GABRA2: variants seen among roughly 807,000 people sequenced by gnomAD.
The protein encoded by GABRA2 is gamma-aminobutyric acid receptor subunit alpha-2.
GABRA2 carries 16 observed loss-of-function variants against 48.7 expected under a neutral mutation model. The ratio of observed to expected loss-of-function variants is 0.33; its 90% CI spans 0.22 to 0.50. The LOEUF is 0.50. Among genes scored for constraint, GABRA2 ranks in the 20% least tolerant of loss-of-function variants. The pLI is 0.98. For missense variants in GABRA2, 275 were observed against 535.6 expected (o/e 0.51, Z 4.80); for synonymous variants, 185 against 184.5 (o/e 1.00, Z -0.02).
intron 3 of GABRA2, among the ~76,000 whole-genome samples, chr4:46,359,923 CAA>C (rs538528735): frequency 2.8e-5 from 4 of 144,310 alleles, no homozygotes; most frequent in African/African-American, 1.0e-4. Flanking sequence ...TCTCAAAAAA[CAA>C]AAAAAAAAAA....
chr4:46,361,760 G>T (rs1241541434), intron 3 of GABRA2, among the ~76,000 whole-genome samples: 1 of 152,220 alleles, frequency 6.6e-6, no homozygotes, highest in Non-Finnish European at 1.5e-5. Context: ...TACCCTACAA[G>T]GCCATGGGCC....
At chr4:46,327,235 C>T (rs1296260785) in intron 4 of GABRA2, among the ~76,000 whole-genome samples, 1 of 151,910 alleles carries the variant, frequency 6.6e-6, no homozygotes, top group East Asian at 1.9e-4. Context: ...TGTTAAAATA[C>T]AGACTTTCAT....
At chr4:46,262,736 A>T (rs1717230527) in intron 8 of GABRA2, among the ~76,000 whole-genome samples, 1 of 151,996 alleles carries the variant, frequency 6.6e-6, no homozygotes, top group Non-Finnish European at 1.5e-5. Context: ...CATCTCTATT[A>T]AAAATACAAA....
intron 8 of GABRA2, among the ~76,000 whole-genome samples, chr4:46,281,623 A>G (rs1022798552): frequency 6.6e-6 from 1 of 152,188 alleles, no homozygotes; most frequent in African/African-American, 2.4e-5. Flanking sequence ...TGGCCATTGT[A>G]TTTAGCAGTG....
rs3068324 is a variant in GABRA2, at chr4:46,263,912, T to TTCTCTC, written c.857-1790_857-1785dup. 4.9e-3 allele frequency among the ~76,000 whole-genome samples: 714 copies of TTCTCTC among 145,064 alleles called. 6 individuals carry two copies. The highest frequency in any genetic ancestry group is 0.016 in the African/African-American group (618 of 39,526). On this transcript the variant is annotated intron_variant, in intron 8 of 9. Transcript: ENST00000381620. The stretch of plus-strand genomic sequence containing the variant: ...ACAGGATATATTTCCATTAGATCAA[T>TTCTCTC]TCTCTCTCTCTCTCTCTCTCTCTCT...
At chr4:46,277,603 CAT>C (rs1398429988) in intron 8 of GABRA2, among the ~76,000 whole-genome samples, 1 of 152,190 alleles carries the variant, frequency 6.6e-6, no homozygotes, top group Non-Finnish European at 1.5e-5. Flanking sequence ...GAGCTGTACT[CAT>C]GTGACTTTCT....
chr4:46,389,846 A>AGAGAGAGAGAGAGG lies in GABRA2; in HGVS notation c.-123_-122insCCTCTCTCTCTCTC. On this transcript the variant is annotated 5_prime_UTR_variant, in exon 1 of 10. Coordinates refer to ENST00000381620, the MANE Select transcript of GABRA2 (RefSeq NM_000807.4). ...GAGAGAGAGAGAGAGAGAGAGAGAG[A>AGAGAGAGAGAGAGG]GAGAGAGAGAGAGAGACCGAGACTG... is the stretch of plus-strand genomic sequence containing the variant. 1.0e-6 allele frequency: 1 copy of AGAGAGAGAGAGAGG among 978,454 alleles called. No individual in the cohort carries two copies. Among genetic ancestry groups the AGAGAGAGAGAGAGG allele is most frequent in the Non-Finnish European group, 1.2e-6 (1 of 826,694 alleles). 60.6% of individuals were successfully genotyped at this position (978,454 alleles called of 1,614,324 possible).
At chr4:46,367,063 A>AT (rs1226100670) in intron 3 of GABRA2, 4 of 152,038 alleles carry the variant, frequency 2.6e-5, no homozygotes, top group Non-Finnish European at 5.9e-5. Context: ...GAATTAGTCC[A>AT]TTTCACTATA....
chr4:46,302,248 A>G (rs527448046), intron 8 of GABRA2, among the ~76,000 whole-genome samples: 1 of 152,130 alleles, frequency 6.6e-6, no homozygotes, highest in Non-Finnish European at 1.5e-5. Context: ...TTTTAGAGAG[A>G]CAGGGTCTTG....
intron 3 of GABRA2, among the ~76,000 whole-genome samples, chr4:46,371,851 T>C (rs1221660821): frequency 6.6e-6 from 1 of 152,184 alleles, no homozygotes; most frequent in Non-Finnish European, 1.5e-5. Context: ...TAATATTTAG[T>C]GAGCACTTAA....
intron 3 of GABRA2, among the ~76,000 whole-genome samples, chr4:46,359,753 T>C (rs1216920445): frequency 6.6e-6 from 1 of 151,900 alleles, no homozygotes; most frequent in Non-Finnish European, 1.5e-5. Context: ...CTGTCTCTAC[T>C]AAAAATATAA....
At chr4:46,344,060 T>C (rs1289863127) in intron 3 of GABRA2, among the ~76,000 whole-genome samples, 1 of 151,942 alleles carries the variant, frequency 6.6e-6, no homozygotes, top group East Asian at 1.9e-4. Flanking sequence ...AGTGTTACTA[T>C]TATAATTGGA....
intron 8 of GABRA2, among the ~76,000 whole-genome samples, chr4:46,268,412 A>G (rs1718668554): frequency 6.6e-6 from 1 of 152,096 alleles, no homozygotes. Context: ...TCAAGGGAAG[A>G]CGTTAATAGT....
At chr4:46,303,421 A>C in intron 8 of GABRA2, 39 bp downstream of exon 8, 1 of 1,557,060 alleles carries the variant, frequency 6.4e-7, no homozygotes, top group Non-Finnish European at 8.9e-7. Context: ...TATGCTATGA[A>C]ACATAATGTG....
At chr4:46,305,109 A>T (rs904494792) in intron 7 of GABRA2, among the ~76,000 whole-genome samples, 5 of 151,712 alleles carry the variant, frequency 3.3e-5, no homozygotes, top group Non-Finnish European at 5.9e-5. Flanking sequence ...GGGGCCTAAG[A>T]TTCCAAATGT....
intron 8 of GABRA2, among the ~76,000 whole-genome samples, chr4:46,263,074 T>C (rs1717380107): frequency 6.6e-6 from 1 of 151,778 alleles, no homozygotes; most frequent in African/African-American, 2.4e-5. Context: ...AATACACACG[T>C]ACATATATAC....
intron 3 of GABRA2, among the ~76,000 whole-genome samples, chr4:46,359,547 T>C (rs1183365883): frequency 6.6e-6 from 1 of 152,176 alleles, no homozygotes; most frequent in African/African-American, 2.4e-5. Context: ...GAAATATCTT[T>C]AGTGAGCTCT....
At chr4:46,283,261 CAGA>C (rs758611892) in intron 8 of GABRA2, among the ~76,000 whole-genome samples, 31 of 152,130 alleles carry the variant, frequency 2.0e-4, no homozygotes, top group Non-Finnish European at 3.8e-4. Flanking sequence ...AAACTGAGAG[CAGA>C]AGAAGTCTTT....
chr4:46,270,436 T>C (rs1719102515), intron 8 of GABRA2, among the ~76,000 whole-genome samples: 1 of 152,038 alleles, frequency 6.6e-6, no homozygotes, highest in Admixed American at 6.6e-5. Flanking sequence ...ACCTTCCATG[T>C]ACCTCTCTAC....
Sources: allele counts gnomAD v4.1 joint callset (sites outside exome capture counted in the v4.1 genomes callset), GRCh38; gene constraint gnomAD v4.1.1; transcripts MANE v1.5; gene names NCBI Gene and HGNC (gene_info 2026-07-23, HGNC 2026-07-21).